Variants in RPS6KC1 observed in about 807,000 individuals in gnomAD.
RPS6KC1 encodes ribosomal protein S6 kinase C1.
A neutral mutation model predicts 103.8 loss-of-function variants in RPS6KC1; 54 were observed. The observed-to-expected ratio is 0.52, with a 90% confidence interval of 0.42 to 0.65. The LOEUF is 0.65. Ranked by LOEUF, RPS6KC1 falls within the 30% of genes least tolerant of loss-of-function variation. RPS6KC1 has a pLI of 0.00. For synonymous variants in RPS6KC1, 439 were observed against 438.7 expected (o/e 1.00, Z -0.01); for missense variants, 1,151 against 1,253.8 (o/e 0.92, Z 1.24).
the RPS6KC1 span, among the ~76,000 whole-genome samples, chr1:213,589,941 GTGT>G: frequency 0.046 from 3,473 of 75,386 alleles, 103 homozygotes; most frequent in African/African-American, 0.11. Flanking sequence ...AGGTAGTGGT[GTGT>G]GTGTGTGTGT....
intron 10 of RPS6KC1, among the ~76,000 whole-genome samples, chr1:213,238,505 A>T (rs941036531): frequency 2.6e-5 from 4 of 152,178 alleles, no homozygotes; most frequent in Non-Finnish European, 5.9e-5. Context: ...ATGGCATAAG[A>T]TCTGTGCTGA....
At chr1:213,471,215 TA>T in the RPS6KC1 span, among the ~76,000 whole-genome samples, 1 of 152,204 alleles carries the variant, frequency 6.6e-6, no homozygotes, top group African/African-American at 2.4e-5. Flanking sequence ...TAAAAGACTC[TA>T]ATTGTCTTTC....
chr1:213,469,499 G>T, the RPS6KC1 span, among the ~76,000 whole-genome samples: 2 of 152,118 alleles, frequency 1.3e-5, no homozygotes, highest in African/African-American at 4.8e-5. Flanking sequence ...GGAAAGAGGT[G>T]CCCAGGGTAC....
chr1:213,838,618 A>G, the RPS6KC1 span, among the ~76,000 whole-genome samples: 1 of 152,150 alleles, frequency 6.6e-6, no homozygotes, highest in African/African-American at 2.4e-5. Context: ...TGTTTAAGCC[A>G]TTGGTTAGTC....
the RPS6KC1 span, among the ~76,000 whole-genome samples, chr1:213,800,330 G>C: frequency 6.6e-6 from 1 of 152,164 alleles, no homozygotes; most frequent in Non-Finnish European, 1.5e-5. Context: ...ATAAGATGTT[G>C]GAGTGGCTTG....
At chr1:213,360,818 G>A in the RPS6KC1 span, among the ~76,000 whole-genome samples, 1 of 152,188 alleles carries the variant, frequency 6.6e-6, no homozygotes, top group Non-Finnish European at 1.5e-5. Flanking sequence ...TTTGCTGGAG[G>A]TCTACTCCAG....
chr1:213,254,601 A>C (rs1226201933), intron 12 of RPS6KC1, among the ~76,000 whole-genome samples: 1 of 152,216 alleles, frequency 6.6e-6, no homozygotes, highest in African/African-American at 2.4e-5. Context: ...GGCTGAAAGA[A>C]TGTTAGAGGT....
chr1:213,320,457 C>T, the RPS6KC1 span, among the ~76,000 whole-genome samples: 8 of 152,142 alleles, frequency 5.3e-5, no homozygotes, highest in African/African-American at 1.9e-4. Flanking sequence ...CTGGTAATGC[C>T]GTTTATTAAT....
the RPS6KC1 span, among the ~76,000 whole-genome samples, chr1:213,402,958 C>CAAAAAAA: frequency 9.0e-5 from 10 of 111,516 alleles, no homozygotes; most frequent in African/African-American, 1.4e-4. Context: ...ACTAAAAATA[C>CAAAAAAA]AAAAAAAAAA....
chr1:213,196,485 A>C (rs534137558), intron 8 of RPS6KC1, among the ~76,000 whole-genome samples: 4 of 152,046 alleles, frequency 2.6e-5, no homozygotes, highest in Non-Finnish European at 4.4e-5. Flanking sequence ...TTTTAGTTTA[A>C]CTACATCCCA....
the RPS6KC1 span, among the ~76,000 whole-genome samples, chr1:213,717,526 GGGT>G: frequency 6.6e-6 from 1 of 152,212 alleles, no homozygotes; most frequent in Non-Finnish European, 1.5e-5. Flanking sequence ...GGGATGGCAG[GGGT>G]GGTGTTGGCC....
At chr1:213,073,927 C>T (rs902799923) in intron 2 of RPS6KC1, among the ~76,000 whole-genome samples, 5 of 152,150 alleles carry the variant, frequency 3.3e-5, no homozygotes, top group South Asian at 2.1e-4. Context: ...CTGCTCATCT[C>T]GGCCTCCCAA....
chr1:213,512,113 T>C, the RPS6KC1 span, among the ~76,000 whole-genome samples: 1 of 152,364 alleles, frequency 6.6e-6, no homozygotes, highest in South Asian at 2.1e-4. Context: ...ATGGTTATGC[T>C]TGGGGACATT....
chr1:213,342,241 G>T, the RPS6KC1 span, among the ~76,000 whole-genome samples: 2 of 152,104 alleles, frequency 1.3e-5, no homozygotes, highest in African/African-American at 4.8e-5. Flanking sequence ...TGACAATGCT[G>T]CCATTACCCA....
At chr1:213,052,460 A>G (rs1421137923) in intron 1 of RPS6KC1, among the ~76,000 whole-genome samples, 1 of 152,190 alleles carries the variant, frequency 6.6e-6, no homozygotes, top group East Asian at 1.9e-4. Flanking sequence ...AATTAACTTT[A>G]TCAATTTTTA....
intron 14 of RPS6KC1, among the ~76,000 whole-genome samples, chr1:213,263,895 A>G (rs2094855758): frequency 1.3e-5 from 2 of 152,110 alleles, no homozygotes; most frequent in African/African-American, 4.8e-5. Context: ...TGTGGAATGG[A>G]TGCTACTTTT....
chr1:213,074,370 A>G (rs2079123046), intron 2 of RPS6KC1, among the ~76,000 whole-genome samples: 1 of 152,240 alleles, frequency 6.6e-6, no homozygotes, highest in Non-Finnish European at 1.5e-5. Flanking sequence ...TGGTTCAATA[A>G]AGAAAGAGGT....
chr1:213,808,026 T>A, the RPS6KC1 span, among the ~76,000 whole-genome samples: 1 of 152,146 alleles, frequency 6.6e-6, no homozygotes, highest in Non-Finnish European at 1.5e-5. Flanking sequence ...TCTGTTGGAG[T>A]TTGCTAGAGG....
At chr1:213,362,293 A>G in the RPS6KC1 span, among the ~76,000 whole-genome samples, 1 of 152,210 alleles carries the variant, frequency 6.6e-6, no homozygotes, top group Non-Finnish European at 1.5e-5. Flanking sequence ...GAAATTTTGC[A>G]CACTTTTTCT....
Sources: gnomAD v4.1 joint callset for allele counts (sites outside exome capture counted in the v4.1 genomes callset) on GRCh38, gnomAD v4.1.1 for gene constraint, MANE v1.5 for transcripts, NCBI Gene and HGNC (gene_info 2026-07-23, HGNC 2026-07-21) for gene names.